GABRA3: variants seen among roughly 807,000 people sequenced by gnomAD.
The protein encoded by GABRA3 is gamma-aminobutyric acid type A receptor subunit alpha3, also known as gamma-aminobutyric acid receptor subunit alpha-3.
GABRA3 carries 10 observed loss-of-function variants against 30.1 expected under a neutral mutation model. That is an observed-to-expected ratio of 0.33 (90% CI 0.20 to 0.56). The LOEUF (loss-of-function observed/expected upper bound fraction) is 0.56. GABRA3 is among the 20% of genes least tolerant of loss of function. GABRA3 has a pLI of 0.89. For synonymous variants in GABRA3, 151 were observed against 146.8 expected, an observed-to-expected ratio of 1.03 and a Z score of -0.21; for missense variants, 233 against 392.0, an observed-to-expected ratio of 0.59 and a Z score of 3.42.
chrX:152,209,683 T>C (rs1937612527), intron 6 of GABRA3, among the ~76,000 whole-genome samples: 1 of 112,572 alleles, frequency 8.9e-6, no homozygotes, highest in Non-Finnish European at 1.9e-5. Flanking sequence ...TGGGTACCAA[T>C]TGTGATCTGC....
intron 3 of GABRA3, among the ~76,000 whole-genome samples, chrX:152,289,564 C>T (rs922531234): frequency 1.8e-5 from 2 of 109,333 alleles, no homozygotes; most frequent in Non-Finnish European, 3.8e-5. Context: ...ATATGCACAA[C>T]GTGCAGGTTT....
chrX:152,188,913 G>A (rs920823071), intron 9 of GABRA3, among the ~76,000 whole-genome samples: 2 of 111,327 alleles, frequency 1.8e-5, no homozygotes, highest in African/African-American at 6.5e-5. Context: ...AAGCAGCCAG[G>A]GACAACAATC....
At chrX:152,323,340 C>T (rs376111663) in intron 3 of GABRA3, among the ~76,000 whole-genome samples, 13 of 111,358 alleles carry the variant, frequency 1.2e-4, no homozygotes, top group African/African-American at 4.3e-4. Context: ...CAAGTAGCAG[C>T]GGGGGATCAG....
At chrX:152,213,226 A>G (rs1384816272) in intron 6 of GABRA3, among the ~76,000 whole-genome samples, 1 of 112,052 alleles carries the variant, frequency 8.9e-6, no homozygotes. Flanking sequence ...AAATATTGTC[A>G]GAAACCACTT....
intron 1 of GABRA3, among the ~76,000 whole-genome samples, chrX:152,374,077 CAT>C (rs1454029860): frequency 1.8e-5 from 2 of 110,939 alleles, no homozygotes; most frequent in East Asian, 2.8e-4. Context: ...AGCATTTTTT[CAT>C]ATGTTTGTTG....
chrX:152,221,292 A>G (rs1015911866), intron 6 of GABRA3, among the ~76,000 whole-genome samples: 1 of 109,929 alleles, frequency 9.1e-6, no homozygotes, highest in Non-Finnish European at 1.9e-5. Flanking sequence ...ATTTTTGTTT[A>G]TCATGTGATG....
intron 5 of GABRA3, among the ~76,000 whole-genome samples, chrX:152,240,123 C>T (rs1344196963): frequency 2.1e-3 from 212 of 99,413 alleles, no homozygotes; most frequent in African/African-American, 8.6e-3. Context: ...GATTTTGCAG[C>T]AGCTGGTACC....
chrX:152,401,655 A>G (rs1190182881), intron 1 of GABRA3, among the ~76,000 whole-genome samples: 1 of 111,972 alleles, frequency 8.9e-6, no homozygotes, highest in Non-Finnish European at 1.9e-5. Context: ...AGAACTTTCT[A>G]TGATGGCGAA....
intron 1 of GABRA3, among the ~76,000 whole-genome samples, chrX:152,385,775 T>G (rs952815422): frequency 1.8e-5 from 2 of 111,564 alleles, no homozygotes; most frequent in African/African-American, 6.5e-5. Flanking sequence ...TCGTATAAGG[T>G]GTAAGGAAGG....
chrX:152,232,452 C>G (rs1449855249), intron 5 of GABRA3, among the ~76,000 whole-genome samples: 2 of 109,946 alleles, frequency 1.8e-5, no homozygotes, highest in South Asian at 7.8e-4. Flanking sequence ...GTCTATTATT[C>G]CACTCTCTAT....
intron 5 of GABRA3, among the ~76,000 whole-genome samples, chrX:152,242,273 C>A (rs915626522): frequency 5.7e-4 from 63 of 111,239 alleles, no homozygotes; most frequent in African/African-American, 2.0e-3. Context: ...ACTCAAAAGT[C>A]AACTCAATAT....
intron 3 of GABRA3, among the ~76,000 whole-genome samples, chrX:152,291,488 T>C (rs927425669): frequency 7.2e-5 from 8 of 111,661 alleles, no homozygotes; most frequent in South Asian, 3.8e-4. Flanking sequence ...CTTTTCCTAA[T>C]TGAATACCCT....
At chrX:152,419,741 T>C (rs1358567549) in intron 1 of GABRA3, among the ~76,000 whole-genome samples, 2 of 110,752 alleles carry the variant, frequency 1.8e-5, no homozygotes, top group Non-Finnish European at 3.8e-5. Flanking sequence ...GAAAAAAAAA[T>C]AGTTTTTCAT....
chrX:152,423,793 T>A (rs1930439933), intron 1 of GABRA3, among the ~76,000 whole-genome samples: 1 of 111,103 alleles, frequency 9.0e-6, no homozygotes, highest in Non-Finnish European at 1.9e-5. Flanking sequence ...GAAGAAAGGA[T>A]GTGGACAAAT....
At chrX:152,252,972 T>C (rs1383741161) in intron 5 of GABRA3, among the ~76,000 whole-genome samples, 1 of 112,094 alleles carries the variant, frequency 8.9e-6, no homozygotes, top group Non-Finnish European at 1.9e-5. Context: ...AAGTCATTTG[T>C]CCATGCTGAA....
intron 4 of GABRA3, among the ~76,000 whole-genome samples, chrX:152,270,718 G>A (rs551811443): frequency 4.5e-5 from 5 of 110,005 alleles, no homozygotes; most frequent in South Asian, 7.9e-4. Context: ...AGCCAGGCAC[G>A]GTGGCATATG....
chrX:152,215,056 T>TATATATATATA (rs1422105758), intron 6 of GABRA3, among the ~76,000 whole-genome samples: 2 of 102,405 alleles, frequency 2.0e-5, no homozygotes, highest in Non-Finnish European at 3.9e-5. Context: ...ATATATATAT[T>TATATATATATA]TTTTTATATG....
intron 2 of GABRA3, among the ~76,000 whole-genome samples, chrX:152,362,854 C>T (rs1409340379): frequency 9.0e-6 from 1 of 111,430 alleles, no homozygotes; most frequent in Non-Finnish European, 1.9e-5. Flanking sequence ...CTGACTGAAA[C>T]AGGAAAAAAA....
At chrX:152,341,625 T>C (rs190363702) in intron 3 of GABRA3, among the ~76,000 whole-genome samples, 154 of 103,565 alleles carry the variant, frequency 1.5e-3, no homozygotes, top group African/African-American at 5.0e-3. Flanking sequence ...CTACCATCTC[T>C]GCCTCCCGGA....
Sources: allele counts gnomAD v4.1 joint callset (sites outside exome capture counted in the v4.1 genomes callset), GRCh38; gene constraint gnomAD v4.1.1; transcripts MANE v1.5; gene names NCBI Gene and HGNC (gene_info 2026-07-23, HGNC 2026-07-21).